The following SOX6 variants were observed in gnomAD, a reference collection of about 807,000 sequenced individuals.
The protein encoded by SOX6 is transcription factor SOX-6.
In SOX6, 11 loss-of-function variants were observed where a neutral mutation model predicts 97.8. That is an observed-to-expected ratio of 0.11 (90% CI 0.07 to 0.19). The LOEUF (loss-of-function observed/expected upper bound fraction) is 0.19, where lower values mean the gene tolerates loss of function less well. SOX6 is among the 10% of genes least tolerant of loss of function. The pLI is 1.00. For synonymous variants in SOX6, 360 were observed against 371.4 expected, an observed-to-expected ratio of 0.97 and a Z score of 0.35; for missense variants, 810 against 1,039.5, an observed-to-expected ratio of 0.78 and a Z score of 3.04.
chr11:16,479,136 C>T (rs2133123055), upstream of SOX6, among the ~76,000 whole-genome samples: 1 of 152,254 alleles, frequency 6.6e-6, no homozygotes, highest in African/African-American at 2.4e-5. Context: ...ACACATCTGA[C>T]CATGGTGGTA....
chr11:16,403,389 C>T (rs1427391393), intron 1 of SOX6, among the ~76,000 whole-genome samples: 2 of 151,630 alleles, frequency 1.3e-5, no homozygotes, highest in African/African-American at 2.4e-5. Context: ...TTGGTCTGTG[C>T]GGCCATACCG....
At chr11:16,238,966 C>A (rs1307101674) in intron 3 of SOX6, among the ~76,000 whole-genome samples, 1 of 151,950 alleles carries the variant, frequency 6.6e-6, no homozygotes, top group East Asian at 1.9e-4. Flanking sequence ...TCTATTTACC[C>A]AAGAACAATG....
chr11:16,619,446 T>C (rs1848513622), intron 3 of SOX6, among the ~76,000 whole-genome samples: 1 of 152,076 alleles, frequency 6.6e-6, no homozygotes, highest in South Asian at 2.1e-4. Flanking sequence ...ATATTTGGTA[T>C]CCACTAGAGA....
chr11:16,732,536 G>C (rs987223297), intron 2 of SOX6, among the ~76,000 whole-genome samples: 1 of 152,164 alleles, frequency 6.6e-6, no homozygotes, highest in African/African-American at 2.4e-5. Flanking sequence ...CTAGCCACAT[G>C]CAGAAAACTG....
intron 3 of SOX6, among the ~76,000 whole-genome samples, chr11:16,677,759 A>G (rs879480324): frequency 1.3e-5 from 2 of 152,054 alleles, no homozygotes; most frequent in Non-Finnish European, 2.9e-5. Context: ...TTTCTGGAAG[A>G]GTTTCTGTCT....
At chr11:16,274,120 A>G (rs1854330416) in intron 3 of SOX6, among the ~76,000 whole-genome samples, 1 of 152,096 alleles carries the variant, frequency 6.6e-6, no homozygotes, top group African/African-American at 2.4e-5. Context: ...TAAACTAGAC[A>G]TAATGAGAAA....
At chr11:16,183,393 A>G (rs1408903916) in intron 6 of SOX6, among the ~76,000 whole-genome samples, 1 of 151,978 alleles carries the variant, frequency 6.6e-6, no homozygotes, top group African/African-American at 2.4e-5. Context: ...ATCACTCATT[A>G]ATCTCTCTAT....
At chr11:16,264,156 TCCCC>T (rs1853995491) in intron 3 of SOX6, among the ~76,000 whole-genome samples, 1 of 151,844 alleles carries the variant, frequency 6.6e-6, no homozygotes, top group African/African-American at 2.4e-5. Context: ...CAACTACTAA[TCCCC>T]ATCCCATCCA....
intron 5 of SOX6, among the ~76,000 whole-genome samples, chr11:16,185,694 T>C (rs568833651): frequency 2.1e-4 from 32 of 152,330 alleles, no homozygotes; most frequent in Non-Finnish European, 4.3e-4. Context: ...TGTGTCAAGA[T>C]TAATTTGTGC....
intron 2 of SOX6, among the ~76,000 whole-genome samples, chr11:16,718,274 C>A (rs577626242): frequency 2.6e-4 from 39 of 151,992 alleles, no homozygotes; most frequent in African/African-American, 8.9e-4. Context: ...AAATTTCATT[C>A]CTCATGATAC....
intron 6 of SOX6, among the ~76,000 whole-genome samples, chr11:16,145,260 T>A (rs1850260351): frequency 6.6e-6 from 1 of 152,178 alleles, no homozygotes; most frequent in Non-Finnish European, 1.5e-5. Context: ...CACATGATTA[T>A]CTCAATAGAT....
rs540171372 is a variant in SOX6 at position 16,664,809 on chromosome 11, A to G, written n.429+50021T>C. ...GACTACTTCCTTCTGCTTGAGGAAA[A>G]GAGAGCAAAGGGTAAAGAGTACTTT... On this transcript the variant is annotated intron_variant and non_coding_transcript_variant, in intron 3 of 5. Transcript: ENST00000524520. Among the ~76,000 whole-genome samples, 4 of 151,808 alleles carry G rather than the reference A, an allele frequency of 2.6e-5. No individual in the cohort carries two copies. In the South Asian group the frequency reaches 8.3e-4, roughly 32 times the overall value.
intron 3 of SOX6, among the ~76,000 whole-genome samples, chr11:16,663,108 T>C (rs1191770728): frequency 6.6e-6 from 1 of 150,540 alleles, no homozygotes; most frequent in African/African-American, 2.4e-5. Context: ...TTATAAAAGG[T>C]ATGTATGGCA....
intron 3 of SOX6, among the ~76,000 whole-genome samples, chr11:16,276,743 G>GA (rs1008417644): frequency 9.2e-5 from 14 of 152,100 alleles, no homozygotes; most frequent in African/African-American, 2.7e-4. Context: ...CCTGCTATGT[G>GA]AAAAAATTAA....
At chr11:16,465,021 T>C (rs1203820331) in intron 1 of SOX6, among the ~76,000 whole-genome samples, 1 of 152,224 alleles carries the variant, frequency 6.6e-6, no homozygotes, top group African/African-American at 2.4e-5. Context: ...CTGTTTAACT[T>C]ATCTCTCTGC....
intron 4 of SOX6, among the ~76,000 whole-genome samples, chr11:16,585,356 T>G (rs895417794): frequency 2.0e-5 from 3 of 152,220 alleles, no homozygotes; most frequent in African/African-American, 7.2e-5. Context: ...TTCTAAGCAC[T>G]TATATGTACT....
intron 1 of SOX6, among the ~76,000 whole-genome samples, chr11:16,390,268 G>GC (rs1858130937): frequency 6.6e-6 from 1 of 150,956 alleles, no homozygotes; most frequent in South Asian, 2.1e-4. Context: ...AAAAAATGCT[G>GC]CTTTTTTTGC....
intron 1 of SOX6, among the ~76,000 whole-genome samples, chr11:16,413,068 T>A (rs1486819982): frequency 2.0e-5 from 3 of 151,840 alleles, no homozygotes; most frequent in Non-Finnish European, 2.9e-5. Flanking sequence ...AGCAAAAGAG[T>A]TTCTTTTGAC....
chr11:16,323,624 C>G (rs1855987676), intron 2 of SOX6, among the ~76,000 whole-genome samples: 1 of 152,072 alleles, frequency 6.6e-6, no homozygotes, highest in South Asian at 2.1e-4. Context: ...CTTGAAGCAC[C>G]CCTGACTATA....
Sources: gnomAD v4.1 joint callset for allele counts (sites outside exome capture counted in the v4.1 genomes callset) on GRCh38, gnomAD v4.1.1 for gene constraint, MANE v1.5 for transcripts, NCBI Gene and HGNC (gene_info 2026-07-23, HGNC 2026-07-21) for gene names.